IKZF4: variants seen among roughly 807,000 people sequenced by gnomAD.
The protein encoded by IKZF4 is IKAROS family zinc finger 4, also known as zinc finger protein Eos.
In IKZF4, 11 loss-of-function variants were observed where a neutral mutation model predicts 47.7. That is an observed-to-expected ratio of 0.23 (90% CI 0.15 to 0.38). The LOEUF (loss-of-function observed/expected upper bound fraction) is 0.38, where lower values mean the gene tolerates loss of function less well. Ranked by LOEUF, IKZF4 falls within the 10% of genes least tolerant of loss-of-function variation. The probability of loss-of-function intolerance (pLI) is 1.00; values close to 1 mark genes in which losing one functional copy is unlikely to be tolerated. For synonymous variants in IKZF4, 298 were observed against 299.4 expected (o/e 1.00, Z 0.05); for missense variants, 557 against 784.9 (o/e 0.71, Z 3.47).
Position 56,014,327 on chromosome 12 carries a change from C to T in IKZF4, c.-214+2833C>T, listed in dbSNP as rs145301232. On this transcript the variant is annotated intron_variant, in intron 2 of 11. Coordinates refer to the IKZF4 transcript ENST00000262032. Reference sequence around the variant, plus strand: ...TAGAAAGAAAGTCCAGCTCAGAAAACAACTCCTTCAGACCTTTCTGGAAAT... The same window carrying T: ...TAGAAAGAAAGTCCAGCTCAGAAAATAACTCCTTCAGACCTTTCTGGAAAT... 7.9e-5 allele frequency among the ~76,000 whole-genome samples: 12 copies of T among 152,314 alleles called. No homozygotes were observed. The East Asian group carries it at 2.3e-3, about 29-fold the overall frequency.
At chr12:56,033,110 G>T (rs1175108239) in intron 6 of IKZF4, 80 bp from the exon 7 acceptor site, 2 of 1,556,924 alleles carry the variant, frequency 1.3e-6, no homozygotes, top group African/African-American at 2.7e-5. Flanking sequence ...CTGACCTGCT[G>T]GTTTTCTCCA....
At chr12:56,031,513 A>G (rs1418374634) in intron 5 of IKZF4, among the ~76,000 whole-genome samples, 1 of 152,198 alleles carries the variant, frequency 6.6e-6, no homozygotes, top group African/African-American at 2.4e-5. Flanking sequence ...CCTAAAATAC[A>G]AGAGTTTACA....
intron 2 of IKZF4, among the ~76,000 whole-genome samples, chr12:56,012,653 G>A (rs1891483532): frequency 6.6e-6 from 1 of 151,562 alleles, no homozygotes; most frequent in Non-Finnish European, 1.5e-5. Context: ...CAGTCCTCTT[G>A]CCTTGGCCTC....
intron 2 of IKZF4, among the ~76,000 whole-genome samples, chr12:56,015,150 C>T (rs1458219933): frequency 6.6e-6 from 1 of 152,126 alleles, no homozygotes; most frequent in Admixed American, 6.5e-5. Context: ...GATCTCGGCT[C>T]ACTGCAACCT....
upstream of IKZF4, chr12:56,019,535 T>C (rs754477250): frequency 1.0e-5 from 2 of 198,394 alleles, no homozygotes; most frequent in Non-Finnish European, 1.8e-5. Context: ...ACTCATTTAA[T>C]TGGAAGAGAC....
chr12:56,018,148 A>G, upstream of IKZF4: 2 of 1,289,320 alleles, frequency 1.6e-6, no homozygotes, highest in Non-Finnish European at 2.0e-6. Context: ...ATGGACATAG[A>G]AGACTGCAAT....
chr12:56,026,659 A>G (rs988565473), intron 3 of IKZF4, 122 bp from the exon 4 acceptor site: 4 of 1,124,030 alleles, frequency 3.6e-6, no homozygotes, highest in Non-Finnish European at 4.8e-6. Context: ...ACTGCACTCC[A>G]GCCTGGGCAA....
In IKZF4 at chr12:56,035,509, G is replaced by A. The variant is rs1895565994; in HGVS notation, c.*178G>A. ...TCTTCCTCTATCCTGACCGATGTAA[G>A]CATTGTGATGAAACAGATCTTTTGC... On this transcript the variant is annotated 3_prime_UTR_variant, in exon 8 of 8. Coordinates refer to ENST00000547167, the MANE Select transcript of IKZF4 (RefSeq NM_022465.4). The surrounding 1 kb of genome is among the most constrained non-coding windows in gnomAD (Gnocchi z 6.1). 2 of 546,000 alleles carry A rather than the reference G, an allele frequency of 3.7e-6. No homozygotes were observed. The highest frequency in any genetic ancestry group is 2.9e-5 in the East Asian group (1 of 34,292). 33.8% of individuals were successfully genotyped at this position (546,000 alleles called of 1,614,324 possible).
Position 56,034,724 on chromosome 12 carries a change from T to G in IKZF4, c.1151T>G (p.Leu384Arg). ...AFVGAEHLRPLRLPPTNCISE... is the reference protein window; with the variant it reads ...AFVGAEHLRPRRLPPTNCISE... ...GTGGGTGCAGAGCATCTGCGTCCCC[T>G]CCGCCTTCCACCCACCAATTGCATC... Residue 384 changes from leucine (L) to arginine (R), a missense_variant, in exon 8 of 8, where the codon CTC becomes CGC. Around this residue, in one of 6 missense-constraint regions of IKZF4, gnomAD observed 280 missense variants for 314.0 expected, o/e 0.89. Coordinates refer to ENST00000547167, the MANE Select transcript of IKZF4 (RefSeq NM_022465.4). 1 of 1,614,016 alleles carries G rather than the reference T, an allele frequency of 6.2e-7. No individual in the cohort carries two copies. Among genetic ancestry groups the G allele is most frequent in the Non-Finnish European group, 8.5e-7 (1 of 1,179,886 alleles).
chr12:56,024,227 G>A (rs1254326271), intron 2 of IKZF4, among the ~76,000 whole-genome samples: 1 of 152,190 alleles, frequency 6.6e-6, no homozygotes, highest in Non-Finnish European at 1.5e-5. Flanking sequence ...AACTGTCAAT[G>A]AATATCAAAT....
rs1895543004 is a variant in IKZF4 at position 56,035,283 on chromosome 12, G to C, written c.1710G>C (p.Arg570=). The change falls in exon 8 of 8, where the codon CGG becomes CGC. Residue 570 remains arginine (R), a synonymous_variant. Coordinates refer to ENST00000547167, the MANE Select transcript of IKZF4 (RefSeq NM_022465.4). The surrounding 1 kb of genome is among the most constrained non-coding windows in gnomAD (Gnocchi z 6.1). Reference sequence around the variant, plus strand: ...TCTGTGGTTATCACAGCCAGGACCGGTACGAATTCTCTTCCCACATTGTCC... The same window carrying C: ...TCTGTGGTTATCACAGCCAGGACCGCTACGAATTCTCTTCCCACATTGTCC... ...CNICGYHSQD[R]YEFSSHIVRG... is the part of the protein sequence containing the mutation. The C allele has an allele frequency of 1.9e-6, 3 of 1,613,786 alleles. No individual in the cohort carries two copies. Among genetic ancestry groups the C allele is most frequent in the Non-Finnish European group, 2.5e-6 (3 of 1,179,864 alleles).
chr12:56,021,623 G>C, intron 1 of IKZF4, 43 bp downstream of exon 1: 3 of 1,567,782 alleles, frequency 1.9e-6, no homozygotes, highest in Middle Eastern at 1.7e-4. Flanking sequence ...AGGAAGGGGG[G>C]TGCTGGGGCT....
chr12:56,019,915 C>T (rs1892625721), upstream of IKZF4, among the ~76,000 whole-genome samples: 1 of 152,234 alleles, frequency 6.6e-6, no homozygotes, highest in Non-Finnish European at 1.5e-5. Context: ...AACTCCTCCT[C>T]TGTACTTTGA....
At chr12:56,032,946 G>C (rs1895113498) in intron 6 of IKZF4, among the ~76,000 whole-genome samples, 1 of 152,110 alleles carries the variant, frequency 6.6e-6, no homozygotes, top group African/African-American at 2.4e-5. Flanking sequence ...CTATATCCTT[G>C]GCCTAATGGG....
chr12:56,033,155 A>C, intron 6 of IKZF4, 35 bp from the exon 7 acceptor site: 1 of 1,609,884 alleles, frequency 6.2e-7, no homozygotes, highest in Non-Finnish European at 8.5e-7. Context: ...ACCCCTACTC[A>C]ACTGCTACTA....
At chr12:56,015,616 G>A (rs1172054754) in intron 2 of IKZF4, among the ~76,000 whole-genome samples, 4 of 151,844 alleles carry the variant, frequency 2.6e-5, no homozygotes, top group African/African-American at 4.8e-5. Flanking sequence ...GGCTGGTCTC[G>A]AACTCCTGAC....
intron 1 of IKZF4, among the ~76,000 whole-genome samples, chr12:56,008,024 C>T (rs1234057178): frequency 2.0e-5 from 3 of 151,890 alleles, no homozygotes; most frequent in African/African-American, 7.3e-5. Context: ...CTGCCAGGCG[C>T]GGGGCTCCTC....
At chr12:56,028,243 T>G (rs1379675751) in intron 5 of IKZF4, among the ~76,000 whole-genome samples, 2 of 151,888 alleles carry the variant, frequency 1.3e-5, no homozygotes, top group Non-Finnish European at 2.9e-5. Flanking sequence ...CGGTCACCCT[T>G]GGCCTGGCGC....
rs1324613344 is a variant in IKZF4 at position 56,034,627 on chromosome 12, G to A, written c.1054G>A (p.Gly352Ser). 6.2e-7 allele frequency: 1 copy of A among 1,613,916 alleles called. No individual in the cohort carries two copies. Among genetic ancestry groups the A allele is most frequent in the African/African-American group, 1.3e-5 (1 of 74,932 alleles). The change falls in exon 8 of 8, where the codon GGC becomes AGC. Residue 352 changes from glycine (G) to serine (S), a missense_variant. Gly to Ser is a moderately conservative substitution (Grantham distance 56). Coordinates refer to ENST00000547167, the MANE Select transcript of IKZF4 (RefSeq NM_022465.4). ...SDLPYDVNSG[G>S]YEKDVELVAH... ...CCTCCCCTATGATGTGAACTCGGGTGGCTATGAAAAGGATGTGGAGTTGGT... is the reference window on the plus strand; with the variant it reads ...CCTCCCCTATGATGTGAACTCGGGTAGCTATGAAAAGGATGTGGAGTTGGT...
Sources: allele counts gnomAD v4.1 joint callset (sites outside exome capture counted in the v4.1 genomes callset), GRCh38; gene constraint gnomAD v4.1.1; regional missense constraint gnomAD v4.1.1; non-coding constraint Gnocchi (gnomAD v3.1); transcripts MANE v1.5; gene names NCBI Gene and HGNC (gene_info 2026-07-23, HGNC 2026-07-21).